Variants in THSD7B observed in about 807,000 individuals in gnomAD.
THSD7B encodes thrombospondin type 1 domain containing 7B, also known as thrombospondin type-1 domain-containing protein 7B.
Under a neutral mutation model 213.6 loss-of-function variants are expected in THSD7B, and 138 were observed. The ratio of observed to expected loss-of-function variants is 0.65; its 90% CI spans 0.56 to 0.74. The LOEUF (loss-of-function observed/expected upper bound fraction) is 0.74, where lower values mean the gene tolerates loss of function less well. Among genes scored for constraint, THSD7B ranks in the 30% least tolerant of loss-of-function variants. The probability of loss-of-function intolerance (pLI) is 0.00; values close to 1 mark genes in which losing one functional copy is unlikely to be tolerated. For missense variants in THSD7B, 1,931 were observed against 1,991.5 expected (o/e 0.97, Z 0.58); for synonymous variants, 742 against 687.0 (o/e 1.08, Z -1.25).
At chr2:136,778,362 G>A (rs567305766) in intron 1 of THSD7B, among the ~76,000 whole-genome samples, 3 of 152,176 alleles carry the variant, frequency 2.0e-5, no homozygotes, top group African/African-American at 7.2e-5. Context: ...TCCTGTACAC[G>A]TCTCCCTCCC....
intron 21 of THSD7B, among the ~76,000 whole-genome samples, chr2:137,651,262 T>C (rs114264644): frequency 0.027 from 4,119 of 152,154 alleles, 149 homozygotes; most frequent in African/African-American, 0.09. Context: ...TTGTTACTCG[T>C]TTGTTGCCAT....
At chr2:137,136,332 G>A (rs1247527802) in intron 5 of THSD7B, among the ~76,000 whole-genome samples, 3 of 152,172 alleles carry the variant, frequency 2.0e-5, no homozygotes, top group Non-Finnish European at 4.4e-5. Flanking sequence ...GGAGGAATGA[G>A]ACTTTATTCC....
chr2:137,310,735 T>A lies in THSD7B; in HGVS notation c.2500+34709T>A, dbSNP rs534929466. Among the ~76,000 whole-genome samples, 566 of 139,762 alleles carry A rather than the reference T, an allele frequency of 4.0e-3. 1 individual carries two copies. Among genetic ancestry groups the A allele is most frequent in the African/African-American group, 0.012 (449 of 38,280 alleles). 91.7% of individuals were successfully genotyped at this position (139,762 alleles called of 152,430 possible). ...GCTTTCTACATATGGCTAGCCAGTT[T>A]TCCCAGCACCATTTATTAAATAGGG... On this transcript the variant is annotated intron_variant, in intron 12 of 27. Transcript: ENST00000409968.
intron 5 of THSD7B, among the ~76,000 whole-genome samples, chr2:137,118,069 A>G (rs1275711160): frequency 6.6e-6 from 1 of 152,220 alleles, no homozygotes; most frequent in Non-Finnish European, 1.5e-5. Context: ...CAATCAATGT[A>G]TGTATTACCA....
intron 2 of THSD7B, among the ~76,000 whole-genome samples, chr2:136,950,727 A>C (rs1213802375): frequency 1.3e-5 from 2 of 152,220 alleles, no homozygotes; most frequent in East Asian, 3.8e-4. Flanking sequence ...AAGTAGATGG[A>C]GAAGAGGAAA....
intron 20 of THSD7B, among the ~76,000 whole-genome samples, chr2:137,640,779 G>A (rs754382252): frequency 2.4e-4 from 36 of 152,118 alleles, no homozygotes; most frequent in South Asian, 4.1e-4. Context: ...TCACACATTT[G>A]CATATAACAT....
At chr2:137,224,757 C>T (rs1251844189) in intron 7 of THSD7B, among the ~76,000 whole-genome samples, 4 of 152,008 alleles carry the variant, frequency 2.6e-5, no homozygotes, top group Non-Finnish European at 4.4e-5. Flanking sequence ...CTGCAAGCTC[C>T]GCCTCCCGGG....
chr2:137,158,860 G>C (rs895902180), intron 5 of THSD7B, among the ~76,000 whole-genome samples: 2 of 152,114 alleles, frequency 1.3e-5, no homozygotes, highest in Admixed American at 1.3e-4. Context: ...CAACTGAATA[G>C]AAATGACATA....
At chr2:137,175,928 C>A (rs1399515872) in intron 7 of THSD7B, among the ~76,000 whole-genome samples, 2 of 152,020 alleles carry the variant, frequency 1.3e-5, no homozygotes, top group Non-Finnish European at 2.9e-5. Context: ...GAATATTTTG[C>A]GATTCACCAG....
chr2:137,317,778 C>T (rs905438132), intron 12 of THSD7B, among the ~76,000 whole-genome samples: 1 of 152,060 alleles, frequency 6.6e-6, no homozygotes, highest in Non-Finnish European at 1.5e-5. Flanking sequence ...ATGAGCTGGG[C>T]ATGGTGGCGC....
chr2:136,872,459 T>G (rs1205336884), intron 1 of THSD7B, among the ~76,000 whole-genome samples: 2 of 152,112 alleles, frequency 1.3e-5, no homozygotes, highest in Admixed American at 6.6e-5. Context: ...CCTCCTAATC[T>G]TTGGCCAGAA....
At chr2:137,218,533 A>G (rs1681298257) in intron 7 of THSD7B, among the ~76,000 whole-genome samples, 1 of 96,108 alleles carries the variant, frequency 1.0e-5, no homozygotes, top group Admixed American at 9.2e-5. Flanking sequence ...TAGACAAAGT[A>G]CGGTTTGTTC....
intron 1 of THSD7B, among the ~76,000 whole-genome samples, chr2:136,803,721 C>T (rs1056034712): frequency 2.6e-5 from 4 of 152,128 alleles, no homozygotes; most frequent in Non-Finnish European, 4.4e-5. Flanking sequence ...GCCATCTTCA[C>T]GCTGAAGAAC....
At chr2:137,551,717 A>T (rs1010223637) in intron 15 of THSD7B, among the ~76,000 whole-genome samples, 7 of 152,220 alleles carry the variant, frequency 4.6e-5, no homozygotes, top group Non-Finnish European at 1.0e-4. Context: ...CACATAATGC[A>T]TATTAAAACT....
At chr2:137,498,911 G>C (rs910215780) in intron 15 of THSD7B, among the ~76,000 whole-genome samples, 2 of 152,172 alleles carry the variant, frequency 1.3e-5, no homozygotes, top group African/African-American at 4.8e-5. Flanking sequence ...TGGAAGATCA[G>C]AGGCAGGTTG....
chr2:137,486,935 T>A (rs1265020311), intron 15 of THSD7B, among the ~76,000 whole-genome samples: 2 of 152,174 alleles, frequency 1.3e-5, no homozygotes, highest in Non-Finnish European at 2.9e-5. Flanking sequence ...AAGATGTTCT[T>A]TGAAACCAAT....
intron 2 of THSD7B, among the ~76,000 whole-genome samples, chr2:136,919,337 C>T (rs1684397400): frequency 6.6e-6 from 1 of 152,178 alleles, no homozygotes; most frequent in South Asian, 2.1e-4. Flanking sequence ...CCCAAGCAGG[C>T]AATATTTTTG....
intron 2 of THSD7B, among the ~76,000 whole-genome samples, chr2:136,963,500 C>T (rs1685260100): frequency 1.3e-5 from 2 of 152,046 alleles, no homozygotes; most frequent in South Asian, 4.1e-4. Flanking sequence ...AAAAATAATA[C>T]TGGCATGATG....
At chr2:137,582,702 G>A (rs960891100) in intron 17 of THSD7B, among the ~76,000 whole-genome samples, 3 of 152,088 alleles carry the variant, frequency 2.0e-5, no homozygotes, top group African/African-American at 7.2e-5. Context: ...GCATTCCATG[G>A]TGTATATGTG....
Sources: gnomAD v4.1 joint callset for allele counts (sites outside exome capture counted in the v4.1 genomes callset) on GRCh38, gnomAD v4.1.1 for gene constraint, MANE v1.5 for transcripts, NCBI Gene and HGNC (gene_info 2026-07-23, HGNC 2026-07-21) for gene names.